The following FER variants were observed in gnomAD, a reference collection of about 807,000 sequenced individuals.
The protein encoded by FER is tyrosine-protein kinase Fer.
FER carries 63 observed loss-of-function variants against 111.0 expected under a neutral mutation model. That is an observed-to-expected ratio of 0.57 (90% CI 0.46 to 0.70). FER has a LOEUF of 0.70. Ranked by LOEUF, FER falls within the 30% of genes least tolerant of loss-of-function variation. The pLI is 0.00. For synonymous variants in FER, 327 were observed against 313.9 expected, an observed-to-expected ratio of 1.04 and a Z score of -0.44; for missense variants, 914 against 954.0, an observed-to-expected ratio of 0.96 and a Z score of 0.55.
intron 17 of FER, among the ~76,000 whole-genome samples, chr5:109,163,555 G>A (rs778417778): frequency 1.3e-5 from 2 of 152,060 alleles, no homozygotes; most frequent in Non-Finnish European, 2.9e-5. Flanking sequence ...ACTTGTTACC[G>A]TCAGTCTTGA....
chr5:108,822,710 T>TTTATTTTA (rs1416302433), intron 3 of FER, among the ~76,000 whole-genome samples: 1 of 39,454 alleles, frequency 2.5e-5, no homozygotes, highest in Non-Finnish European at 8.5e-5. Context: ...TTTTATTTTA[T>TTTATTTTA]TTATTTTATT....
At chr5:109,043,677 A>G (rs1003299235) in intron 14 of FER, among the ~76,000 whole-genome samples, 16 of 152,266 alleles carry the variant, frequency 1.1e-4, no homozygotes, top group Admixed American at 2.0e-4. Context: ...AGTTTATTAT[A>G]AAATGTTTGC....
At chr5:108,903,273 C>T (rs932997307) in intron 10 of FER, among the ~76,000 whole-genome samples, 3 of 152,184 alleles carry the variant, frequency 2.0e-5, no homozygotes, top group African/African-American at 7.2e-5. Context: ...GATTTTTCTT[C>T]TCTGCACATG....
chr5:108,860,598 G>A (rs1763421742), intron 5 of FER, among the ~76,000 whole-genome samples: 1 of 152,080 alleles, frequency 6.6e-6, no homozygotes, highest in South Asian at 2.1e-4. Flanking sequence ...TAACTTCCAT[G>A]TGAAAAAAAC....
intron 3 of FER, among the ~76,000 whole-genome samples, chr5:108,822,183 C>CT (rs775554303): frequency 1.8e-4 from 28 of 152,086 alleles, no homozygotes; most frequent in Non-Finnish European, 4.0e-4. Context: ...GGATTTCCTT[C>CT]TTTTTTATGA....
At chr5:108,940,971 T>G (rs1453562176) in intron 10 of FER, among the ~76,000 whole-genome samples, 1 of 152,020 alleles carries the variant, frequency 6.6e-6, no homozygotes, top group Admixed American at 6.6e-5. Flanking sequence ...AAGACTAGGC[T>G]GGGGAATGGG....
At chr5:108,886,713 A>C (rs548867206) in intron 9 of FER, among the ~76,000 whole-genome samples, 1 of 151,674 alleles carries the variant, frequency 6.6e-6, no homozygotes, top group Non-Finnish European at 1.5e-5. Flanking sequence ...AAGTATGCCA[A>C]GCTTTTCAGG....
intron 9 of FER, among the ~76,000 whole-genome samples, chr5:108,893,215 G>C (rs554894532): frequency 6.6e-6 from 1 of 151,952 alleles, no homozygotes; most frequent in Non-Finnish European, 1.5e-5. Context: ...AAAGTCATTG[G>C]TAGCTTGATG....
At chr5:109,084,220 T>C (rs544869735) in intron 16 of FER, among the ~76,000 whole-genome samples, 2 of 152,182 alleles carry the variant, frequency 1.3e-5, no homozygotes, top group African/African-American at 4.8e-5. Flanking sequence ...TAATTTTGCC[T>C]ATTTTTGAAC....
At chr5:108,847,447 G>A (rs755303534) in intron 5 of FER, among the ~76,000 whole-genome samples, 10 of 151,972 alleles carry the variant, frequency 6.6e-5, no homozygotes, top group Non-Finnish European at 1.2e-4. Context: ...TTTGGTAAAT[G>A]CTTTATGTGC....
chr5:108,970,754 A>G (rs543376331), intron 13 of FER, among the ~76,000 whole-genome samples: 3 of 152,260 alleles, frequency 2.0e-5, no homozygotes, highest in Middle Eastern at 3.4e-3. Context: ...AAATTATTTG[A>G]TAAGAGGAGA....
chr5:108,822,718 AT>A (rs201352695), intron 3 of FER, among the ~76,000 whole-genome samples: 281 of 121,380 alleles, frequency 2.3e-3, no homozygotes, highest in African/African-American at 6.0e-3. Flanking sequence ...TATTTATTTT[AT>A]TTTATTTTAT....
chr5:109,058,036 A>G (rs1581839822), intron 16 of FER, among the ~76,000 whole-genome samples: 2 of 152,190 alleles, frequency 1.3e-5, no homozygotes, highest in Non-Finnish European at 2.9e-5. Flanking sequence ...AGTGGGATTT[A>G]TCCCAGGACT....
chr5:108,893,855 C>G (rs902990689), intron 9 of FER, among the ~76,000 whole-genome samples: 21 of 151,964 alleles, frequency 1.4e-4, no homozygotes, highest in African/African-American at 5.1e-4. Context: ...CAGTGGAGGA[C>G]TCCATGAACA....
At chr5:108,820,062 G>C in intron 3 of FER, 1 of 984,730 alleles carries the variant, frequency 1.0e-6, no homozygotes, top group African/African-American at 1.7e-5. Flanking sequence ...GTGGAGAGCA[G>C]GAATATAAAA....
At chr5:109,086,809 C>T (rs1342417496) in intron 16 of FER, among the ~76,000 whole-genome samples, 2 of 150,814 alleles carry the variant, frequency 1.3e-5, no homozygotes, top group African/African-American at 4.9e-5. Context: ...TACAAAGTAC[C>T]AAGTGACTTA....
At chr5:109,063,479 A>G in intron 16 of FER, among the ~76,000 whole-genome samples, 1 of 152,218 alleles carries the variant, frequency 6.6e-6, no homozygotes, top group Middle Eastern at 3.2e-3. Context: ...TTGAGCCAAC[A>G]AAGGATTAAG....
chr5:109,188,042 TAAAC>T lies in FER; in HGVS notation c.*477_*480del, dbSNP rs58098713. 106,498 of 152,046 alleles carry T rather than the reference TAAAC, an allele frequency of 0.7. 37,493 individuals carry two copies. The highest frequency in any genetic ancestry group is 0.76 in the Middle Eastern group (223 of 294). 9.4% of individuals were successfully genotyped at this position (152,046 alleles called of 1,614,324 possible). ...CTCTGCCAAAGCAGGATTATATTTG[TAAAC>T]AAACAAACAGAATTTTATATTGGGA... On this transcript the variant is annotated 3_prime_UTR_variant, in exon 20 of 20. Coordinates refer to ENST00000281092, the MANE Select transcript of FER (RefSeq NM_005246.4).
chr5:109,028,107 C>T (rs1024252624), intron 13 of FER, among the ~76,000 whole-genome samples: 6 of 151,912 alleles, frequency 3.9e-5, no homozygotes, highest in Non-Finnish European at 4.4e-5. Context: ...GAAGTTGAGT[C>T]ATTATTTTTT....
Sources: gnomAD v4.1 joint callset for allele counts (sites outside exome capture counted in the v4.1 genomes callset) on GRCh38, gnomAD v4.1.1 for gene constraint, MANE v1.5 for transcripts, NCBI Gene and HGNC (gene_info 2026-07-23, HGNC 2026-07-21) for gene names.